PCDHA10: variants seen among roughly 807,000 people sequenced by gnomAD.
PCDHA10 encodes protocadherin alpha 10, also known as protocadherin alpha-10.
PCDHA10 carries 45 observed loss-of-function variants against 61.2 expected under a neutral mutation model. That is an observed-to-expected ratio of 0.74 (90% CI 0.58 to 0.94). The LOEUF (loss-of-function observed/expected upper bound fraction) is 0.94. PCDHA10 is among the 40% of genes least tolerant of loss of function. The pLI is 0.00. For missense variants in PCDHA10, 1,278 were observed against 1,236.2 expected, an observed-to-expected ratio of 1.03 and a Z score of -0.51; for synonymous variants, 602 against 548.8, an observed-to-expected ratio of 1.10 and a Z score of -1.35.
intron 1 of PCDHA10, among the ~76,000 whole-genome samples, chr5:140,964,981 T>C (rs2095867317): frequency 6.6e-6 from 1 of 152,188 alleles, no homozygotes; most frequent in Non-Finnish European, 1.5e-5. Context: ...ATGTGCTAGT[T>C]CAGGCCTTTG....
At chr5:140,990,273 G>A (rs2097384089) in intron 3 of PCDHA10, among the ~76,000 whole-genome samples, 2 of 152,100 alleles carry the variant, frequency 1.3e-5, no homozygotes, top group African/African-American at 4.8e-5. Flanking sequence ...AATGTACCCC[G>A]GGTCTTGAGA....
At chr5:140,912,767 G>A (rs1388605585) in intron 1 of PCDHA10, among the ~76,000 whole-genome samples, 2 of 152,064 alleles carry the variant, frequency 1.3e-5, no homozygotes, top group African/African-American at 4.8e-5. Context: ...TTATTACTTT[G>A]AGGTATGTCC....
At chr5:140,950,127 GAC>G (rs1554219301) in intron 1 of PCDHA10, among the ~76,000 whole-genome samples, 2 of 151,794 alleles carry the variant, frequency 1.3e-5, no homozygotes, top group Non-Finnish European at 2.9e-5. Context: ...AAACCCACAA[GAC>G]ACAGTTATAA....
At chr5:140,929,590 G>T in intron 1 of PCDHA10, 1 of 426,240 alleles carries the variant, frequency 2.3e-6, no homozygotes, top group Non-Finnish European at 4.2e-6. Context: ...TGACATAAAG[G>T]TCTAAAATTA....
At chr5:140,859,755 T>C (rs1554152701) in intron 1 of PCDHA10, 1 of 153,726 alleles carries the variant, frequency 6.5e-6, no homozygotes, top group African/African-American at 2.4e-5. Flanking sequence ...TCTTTCAGTG[T>C]TAATACTCTC....
Position 140,998,902 on chromosome 5 carries a change from C to T in PCDHA10, c.2537-10725C>T, listed in dbSNP as rs148715237. On this transcript the variant is annotated intron_variant, in intron 3 of 3. Coordinates refer to ENST00000307360, the MANE Select transcript of PCDHA10 (RefSeq NM_018901.4). ...TTAGTTGAATAAATAACAATGCCTC[C>T]GGGAGGTAGCTATTATATCCATTTT... Among the ~76,000 whole-genome samples the T allele has an allele frequency of 4.2e-3, 632 of 152,216 alleles. 5 individuals are homozygous for T. Among genetic ancestry groups the T allele is most frequent in the African/African-American group, 0.014 (572 of 41,540 alleles).
At chr5:140,999,143 A>G (rs2097848811) in intron 3 of PCDHA10, among the ~76,000 whole-genome samples, 1 of 152,214 alleles carries the variant, frequency 6.6e-6, no homozygotes, top group Non-Finnish European at 1.5e-5. Context: ...CACAGCCGGA[A>G]GTCTTCAGTC....
intron 2 of PCDHA10, among the ~76,000 whole-genome samples, chr5:140,980,790 T>G (rs557225636): frequency 5.3e-4 from 80 of 152,312 alleles, no homozygotes; most frequent in African/African-American, 1.9e-3. Flanking sequence ...TGCCATTTCT[T>G]TTTTGCATTG....
chr5:140,929,717 A>G (rs1408315390), intron 1 of PCDHA10: 1 of 229,936 alleles, frequency 4.3e-6, no homozygotes, highest in Non-Finnish European at 9.0e-6. Flanking sequence ...ATGGAAGGTG[A>G]AACATTTACT....
Position 140,876,213 on chromosome 5 carries a change from T to G in PCDHA10, c.2388+17777T>G, listed in dbSNP as rs782372222. On this transcript the variant is annotated intron_variant, in intron 1 of 3. Transcript: ENST00000307360. ...GTCCGGCGTTTGATAAGCCCAGCTA[T>G]AAAGTAGTGTTGTCTGAAAATGTCC... The G allele has an allele frequency of 3.1e-6, 5 of 1,613,846 alleles. No individual in the cohort carries two copies. The East Asian group carries it at 1.1e-4, about 36-fold the overall frequency.
chr5:140,874,903 C>A (rs543752012), intron 1 of PCDHA10, among the ~76,000 whole-genome samples: 1 of 152,054 alleles, frequency 6.6e-6, no homozygotes, highest in Non-Finnish European at 1.5e-5. Context: ...TAAAATCTTA[C>A]GATGGAGTGC....
intron 1 of PCDHA10, chr5:140,863,962 C>T (rs1378381215): frequency 6.4e-6 from 1 of 155,852 alleles, no homozygotes; most frequent in Non-Finnish European, 1.4e-5. Context: ...GATTAGGCCA[C>T]TGCACTACAG....
At chr5:140,912,824 A>T (rs1391588183) in intron 1 of PCDHA10, among the ~76,000 whole-genome samples, 3 of 152,170 alleles carry the variant, frequency 2.0e-5, no homozygotes, top group Non-Finnish European at 4.4e-5. Flanking sequence ...AGGGATTTTG[A>T]ATTTTATTAA....
chr5:141,009,510 C>T (rs936602953), intron 3 of PCDHA10, 117 bp from the exon 4 acceptor site: 7 of 1,498,300 alleles, frequency 4.7e-6, no homozygotes, highest in Admixed American at 4.7e-5. Flanking sequence ...ACAAACAACT[C>T]GTGATTTTTC....
chr5:140,996,636 T>G (rs561950169), intron 3 of PCDHA10, among the ~76,000 whole-genome samples: 17 of 152,346 alleles, frequency 1.1e-4, no homozygotes, highest in Middle Eastern at 6.8e-3. Context: ...CTGCAAATTA[T>G]GTAGTTAATC....
At chr5:140,890,738 A>G (rs1283898948) in intron 1 of PCDHA10, among the ~76,000 whole-genome samples, 1 of 152,200 alleles carries the variant, frequency 6.6e-6, no homozygotes. Context: ...TGACTTATAT[A>G]CTATTTCTGT....
At chr5:140,867,426 AT>A (rs1462800556) in intron 1 of PCDHA10, 4 of 152,150 alleles carry the variant, frequency 2.6e-5, no homozygotes, top group African/African-American at 9.7e-5. Flanking sequence ...TTAATACAGA[AT>A]TTTGCATTTA....
intron 1 of PCDHA10, among the ~76,000 whole-genome samples, chr5:140,916,511 C>G (rs2077595595): frequency 6.6e-6 from 1 of 152,132 alleles, no homozygotes; most frequent in African/African-American, 2.4e-5. Flanking sequence ...ATTAATCTTG[C>G]CAAGACTGGG....
At chr5:140,905,446 A>G (rs1421760693) in intron 1 of PCDHA10, among the ~76,000 whole-genome samples, 2 of 152,180 alleles carry the variant, frequency 1.3e-5, no homozygotes, top group East Asian at 3.9e-4. Flanking sequence ...GCCTTTTAGT[A>G]TAATTTAAAG....
Sources: allele counts gnomAD v4.1 joint callset (sites outside exome capture counted in the v4.1 genomes callset), GRCh38; gene constraint gnomAD v4.1.1; transcripts MANE v1.5; gene names NCBI Gene and HGNC (gene_info 2026-07-23, HGNC 2026-07-21).